Variants in EPS15 observed in about 807,000 individuals in gnomAD.
EPS15 encodes the protein epidermal growth factor receptor pathway substrate 15.
In EPS15, 72 loss-of-function variants were observed where a neutral mutation model predicts 113.8. That is an observed-to-expected ratio of 0.63 (90% CI 0.52 to 0.77). The LOEUF (loss-of-function observed/expected upper bound fraction) is 0.77, where lower values mean the gene tolerates loss of function less well. Among genes scored for constraint, EPS15 ranks in the 30% least tolerant of loss-of-function variants. The pLI is 0.00. For missense variants in EPS15, 1,048 were observed against 1,045.8 expected, an observed-to-expected ratio of 1.00 and a Z score of -0.03; for synonymous variants, 344 against 363.4, an observed-to-expected ratio of 0.95 and a Z score of 0.61.
intron 24 of EPS15, 59 bp from the exon 25 acceptor site, chr1:51,356,905 G>A: frequency 1.4e-6 from 2 of 1,478,788 alleles, no homozygotes; most frequent in Non-Finnish European, 1.8e-6. Flanking sequence ...CAAGTAAAAA[G>A]AAGGAAAAAT....
intron 1 of EPS15, among the ~76,000 whole-genome samples, chr1:51,500,545 T>C (rs936873873): frequency 1.2e-4 from 18 of 152,068 alleles, no homozygotes; most frequent in African/African-American, 4.3e-4. Context: ...TGAGAAAGGG[T>C]CTTGCCTTTC....
chr1:51,425,936 T>A (rs971503112), intron 12 of EPS15, among the ~76,000 whole-genome samples: 2 of 152,212 alleles, frequency 1.3e-5, no homozygotes, highest in African/African-American at 4.8e-5. Flanking sequence ...AACACTGATC[T>A]AATATAGTTA....
At chr1:51,488,472 T>TAAAAAAA (rs71063033) in intron 1 of EPS15, among the ~76,000 whole-genome samples, 3 of 85,312 alleles carry the variant, frequency 3.5e-5, no homozygotes, top group African/African-American at 9.4e-5. Context: ...TAAAGTTTTG[T>TAAAAAAA]AAAAAAAAAA....
chr1:51,403,036 A>G (rs1280182718), intron 17 of EPS15, among the ~76,000 whole-genome samples: 1 of 152,206 alleles, frequency 6.6e-6, no homozygotes, highest in African/African-American at 2.4e-5. Flanking sequence ...ATAGTGTATA[A>G]TTCATCTGAG....
chr1:51,419,830 ACCTATG>A (rs1238734074), intron 13 of EPS15, among the ~76,000 whole-genome samples: 2 of 152,088 alleles, frequency 1.3e-5, no homozygotes, highest in African/African-American at 4.8e-5. Context: ...ACTTATTACC[ACCTATG>A]GTAAGTTTTG....
At position 51,440,277 on chromosome 1, in the gene EPS15, CTGTGTGTGTGTG is replaced by C. The variant is rs3040220; in HGVS notation, c.1040+58_1040+69del. The C allele has an allele frequency of 9.8e-4, 438 of 444,762 alleles. 1 individual carries two copies. Among genetic ancestry groups the C allele is most frequent in the Middle Eastern group, 4.2e-3 (8 of 1,924 alleles). The allele number at this position is 444,762 out of a possible 1,614,324, so 27.6% of individuals were successfully genotyped here. On this transcript the variant is annotated intron_variant, in intron 12 of 24. Transcript: ENST00000371733. ...GAAGTTGTATACATATATACATGTA[CTGTGTGTGTGTG>C]TGTGTGTGTGTGTGTGTGTGTGTGT... is the stretch of plus-strand genomic sequence containing the variant.
chr1:51,422,786 A>C (rs1650880626), intron 12 of EPS15, among the ~76,000 whole-genome samples: 1 of 152,262 alleles, frequency 6.6e-6, no homozygotes, highest in South Asian at 2.1e-4. Context: ...AAAAGCTCAA[A>C]GAATTCTGCA....
intron 21 of EPS15, among the ~76,000 whole-genome samples, chr1:51,385,818 TTA>T (rs1289158660): frequency 6.6e-6 from 1 of 152,158 alleles, no homozygotes; most frequent in East Asian, 1.9e-4. Context: ...TGAATTTTTT[TTA>T]TGATTCCACT....
At chr1:51,366,166 C>CA in intron 21 of EPS15, 137 bp from the exon 22 acceptor site, 1 of 578,084 alleles carries the variant, frequency 1.7e-6, no homozygotes. Flanking sequence ...CTCCCAGGCT[C>CA]AAGTGATCCT....
Position 51,465,291 on chromosome 1 carries a change from G to T in EPS15, c.345C>A (p.Thr115=). The T allele has an allele frequency of 6.2e-7, 1 of 1,611,010 alleles. No homozygotes were observed. ...DTSSPLLISG[T]SAAELPWAVK... is the part of the protein sequence containing the mutation. ...CAGCCCATGGGAGCTCAGCTGCAGA[G>T]GTTCCACTGATTAGCAAAGGACTAC... The change falls in exon 6 of 25, where the codon ACC becomes ACA. Residue 115 remains threonine, a synonymous_variant. Transcript: ENST00000371733.
At chr1:51,432,794 T>A (rs895842730) in intron 12 of EPS15, among the ~76,000 whole-genome samples, 1 of 152,176 alleles carries the variant, frequency 6.6e-6, no homozygotes, top group African/African-American at 2.4e-5. Flanking sequence ...ATACACTTTA[T>A]GTGAAAATGA....
intron 21 of EPS15, among the ~76,000 whole-genome samples, chr1:51,373,819 T>C (rs1646720601): frequency 6.6e-6 from 1 of 151,992 alleles, no homozygotes; most frequent in Non-Finnish European, 1.5e-5. Context: ...GGCGTGGTGG[T>C]GCACGCCTGT....
At chr1:51,393,690 C>T (rs559507571) in intron 21 of EPS15, among the ~76,000 whole-genome samples, 1 of 152,246 alleles carries the variant, frequency 6.6e-6, no homozygotes, top group South Asian at 2.1e-4. Context: ...CTCTCCCATC[C>T]CAAATGATAG....
intron 21 of EPS15, among the ~76,000 whole-genome samples, chr1:51,371,157 C>T (rs1423450825): frequency 6.6e-6 from 1 of 152,102 alleles, no homozygotes; most frequent in African/African-American, 2.4e-5. Context: ...AACCTCAATC[C>T]ACCCACCGTG....
In EPS15 at chr1:51,465,248, A is replaced by G. The variant is rs900461052; in HGVS notation, c.375+13T>C. On this transcript the variant is annotated intron_variant, in intron 6 of 24. Transcript: ENST00000371733. ...AATGAAGGGGTGAGAGAATAGTTACAAAGTTTACTTACTTTTACAGCCCAT... is the reference window on the plus strand; with the variant it reads ...AATGAAGGGGTGAGAGAATAGTTACGAAGTTTACTTACTTTTACAGCCCAT... 23 of 1,575,712 alleles carry G rather than the reference A, an allele frequency of 1.5e-5. No homozygotes were observed. The highest frequency in any genetic ancestry group is 1.9e-5 in the Non-Finnish European group (22 of 1,148,354).
intron 21 of EPS15, among the ~76,000 whole-genome samples, chr1:51,383,867 GAACT>G (rs1327517485): frequency 6.6e-6 from 1 of 152,060 alleles, no homozygotes; most frequent in African/African-American, 2.4e-5. Flanking sequence ...AAAACAATTA[GAACT>G]AATAGTTGAA....
intron 13 of EPS15, among the ~76,000 whole-genome samples, chr1:51,411,461 GGGACACTTGATTTCT>G (rs1649716909): frequency 6.6e-6 from 1 of 152,082 alleles, no homozygotes; most frequent in African/African-American, 2.4e-5. Context: ...TTAAGATACA[GGGACACTTGATTTCT>G]GGAAGAAAAA....
intron 1 of EPS15, among the ~76,000 whole-genome samples, chr1:51,491,692 G>A (rs1570419788): frequency 6.7e-6 from 1 of 148,756 alleles, no homozygotes; most frequent in Middle Eastern, 3.4e-3. Context: ...TCTAAAGCTA[G>A]GGTGGAGGGC....
intron 19 of EPS15, among the ~76,000 whole-genome samples, chr1:51,400,304 A>G (rs375402835): frequency 6.6e-6 from 1 of 152,354 alleles, no homozygotes; most frequent in African/African-American, 2.4e-5. Flanking sequence ...CTGAAGCAGT[A>G]TAGATCATTA....
Sources: allele counts gnomAD v4.1 joint callset (sites outside exome capture counted in the v4.1 genomes callset), GRCh38; gene constraint gnomAD v4.1.1; transcripts MANE v1.5; gene names NCBI Gene and HGNC (gene_info 2026-07-23, HGNC 2026-07-21).